The following RTN1 variants were observed in gnomAD, a reference collection of about 807,000 sequenced individuals.
RTN1 encodes reticulon-1.
RTN1 carries 25 observed loss-of-function variants against 65.5 expected under a neutral mutation model. The observed-to-expected ratio is 0.38, with a 90% CI of 0.28 to 0.53. The LOEUF is 0.53. Among genes scored for constraint, RTN1 ranks in the 20% least tolerant of loss-of-function variants. The pLI is 0.79. For missense variants in RTN1, 983 were observed against 1,025.4 expected, an observed-to-expected ratio of 0.96 and a Z score of 0.57; for synonymous variants, 471 against 447.6, an observed-to-expected ratio of 1.05 and a Z score of -0.66.
In RTN1 at chr14:59,865,744, T is replaced by G. The variant is rs557057936; in HGVS notation, c.241+4646A>C. On this transcript the variant is annotated intron_variant, in intron 1 of 8. Coordinates refer to ENST00000267484, the MANE Select transcript of RTN1 (RefSeq NM_021136.3). Reference sequence around the variant, plus strand: ...AGATACGTTTGTCTCTTGAAATGTCTTTTATTTTCACTGCCCTCTAAATTT... The same window carrying G: ...AGATACGTTTGTCTCTTGAAATGTCGTTTATTTTCACTGCCCTCTAAATTT... Among the ~76,000 whole-genome samples the G allele has an allele frequency of 1.1e-3, 160 of 152,318 alleles. 1 individual carries two copies. In the South Asian group the frequency reaches 0.019, roughly 19 times the overall value.
At chr14:59,857,084 A>G (rs1887621801) in intron 1 of RTN1, among the ~76,000 whole-genome samples, 1 of 152,160 alleles carries the variant, frequency 6.6e-6, no homozygotes, top group Non-Finnish European at 1.5e-5. Context: ...TTGTGATACT[A>G]TAATAATAGG....
In RTN1 at chr14:59,794,423, G is replaced by A. The variant is rs185593287; in HGVS notation, c.242-47942C>T. 4.7e-4 allele frequency among the ~76,000 whole-genome samples: 72 copies of A among 152,272 alleles called. No individual in the cohort carries two copies. Among genetic ancestry groups the A allele is most frequent in the Middle Eastern group, 3.4e-3 (1 of 294 alleles). ...CAAATCACCTCCAAAGCCTGTCTAC[G>A]TCTAGAATTTTCAGTTTCATCAGCC... is the stretch of plus-strand genomic sequence containing the variant. On this transcript the variant is annotated intron_variant, in intron 1 of 8. Transcript: ENST00000267484. This position sits in a 1 kb window ranked among gnomAD's most constrained non-coding sequence, Gnocchi z 5.1.
At chr14:59,609,369 GTGTTAAAGATTTGC>G (rs1232587342) in intron 3 of RTN1, among the ~76,000 whole-genome samples, 1 of 149,440 alleles carries the variant, frequency 6.7e-6, no homozygotes, top group Non-Finnish European at 1.5e-5. Flanking sequence ...ATAGAATAAT[GTGTTAAAGATTTGC>G]TTGTCCTTAA....
At chr14:59,817,510 G>A (rs995126058) in intron 1 of RTN1, among the ~76,000 whole-genome samples, 1 of 152,042 alleles carries the variant, frequency 6.6e-6, no homozygotes, top group African/African-American at 2.4e-5. Flanking sequence ...TTTCTTCTTT[G>A]TAAAGACTGT....
intron 3 of RTN1, among the ~76,000 whole-genome samples, chr14:59,609,611 G>A (rs1881882181): frequency 6.6e-6 from 1 of 152,204 alleles, no homozygotes; most frequent in South Asian, 2.1e-4. Context: ...ATGGATTGGA[G>A]ACAATAAATT....
chr14:59,718,315 T>G (rs1211862546), intron 3 of RTN1, among the ~76,000 whole-genome samples: 1 of 152,222 alleles, frequency 6.6e-6, no homozygotes, highest in Non-Finnish European at 1.5e-5. Flanking sequence ...GTGATGTGCT[T>G]GCCTCAACTT....
chr14:59,807,176 G>A (rs1274708721), intron 1 of RTN1, among the ~76,000 whole-genome samples: 1 of 152,206 alleles, frequency 6.6e-6, no homozygotes, highest in African/African-American at 2.4e-5. Context: ...TTTCTAGGAA[G>A]CATGGTGGGT....
chr14:59,734,814 C>T (rs953508891), intron 2 of RTN1, among the ~76,000 whole-genome samples: 15 of 152,158 alleles, frequency 9.9e-5, no homozygotes, highest in Non-Finnish European at 4.4e-5. Context: ...AAACATACTT[C>T]AGAATATTAC....
At chr14:59,616,728 G>A (rs1882112104) in intron 3 of RTN1, among the ~76,000 whole-genome samples, 1 of 152,118 alleles carries the variant, frequency 6.6e-6, no homozygotes, top group South Asian at 2.1e-4. Context: ...TCTTGCTTTG[G>A]TCCTTTTCAA....
chr14:59,668,771 A>C (rs1883437059), intron 3 of RTN1, among the ~76,000 whole-genome samples: 1 of 152,188 alleles, frequency 6.6e-6, no homozygotes, highest in African/African-American at 2.4e-5. Flanking sequence ...AAAACCAAAC[A>C]ATCCCATCAA....
At chr14:59,656,161 T>C (rs1193930592) in intron 3 of RTN1, among the ~76,000 whole-genome samples, 1 of 151,814 alleles carries the variant, frequency 6.6e-6, no homozygotes, top group Non-Finnish European at 1.5e-5. Flanking sequence ...TTATATGAAA[T>C]GTCAAGACAA....
At chr14:59,638,235 G>A (rs543375183) in intron 3 of RTN1, among the ~76,000 whole-genome samples, 17 of 152,262 alleles carry the variant, frequency 1.1e-4, no homozygotes, top group African/African-American at 3.4e-4. Context: ...GTGTTAGCAG[G>A]CAAGAAAACA....
intron 3 of RTN1, among the ~76,000 whole-genome samples, chr14:59,658,186 G>A (rs934543892): frequency 6.6e-6 from 1 of 152,226 alleles, no homozygotes; most frequent in African/African-American, 2.4e-5. Flanking sequence ...ACTGTAGACG[G>A]ACTGCCTCTC....
At chr14:59,707,068 G>A (rs74058925) in intron 3 of RTN1, among the ~76,000 whole-genome samples, 3,840 of 152,278 alleles carry the variant, frequency 0.025, 154 homozygotes, top group African/African-American at 0.085. Context: ...AAGAACTGCT[G>A]AATTCTGAAG....
chr14:59,864,846 C>T (rs896125865), intron 1 of RTN1, among the ~76,000 whole-genome samples: 2 of 152,000 alleles, frequency 1.3e-5, no homozygotes, highest in Admixed American at 1.3e-4. Context: ...TAAATCGGGA[C>T]AAAAATAATT....
chr14:59,778,835 C>T (rs1319985398), intron 1 of RTN1, among the ~76,000 whole-genome samples: 2 of 152,074 alleles, frequency 1.3e-5, no homozygotes, highest in Non-Finnish European at 2.9e-5. Flanking sequence ...AGCAAACAGA[C>T]TGTAGGTGCA....
intron 1 of RTN1, among the ~76,000 whole-genome samples, chr14:59,815,698 C>T (rs138621092): frequency 6.6e-6 from 1 of 152,314 alleles, no homozygotes; most frequent in East Asian, 1.9e-4. Flanking sequence ...AGTTCTCCAA[C>T]CTTTAGGCCT....
chr14:59,720,721 C>CAAA (rs3036118), intron 3 of RTN1, among the ~76,000 whole-genome samples: 2 of 133,872 alleles, frequency 1.5e-5, no homozygotes, highest in East Asian at 2.2e-4. Flanking sequence ...GACCCTATCT[C>CAAA]AAAAAAAAAA....
chr14:59,822,444 A>G (rs537140739), intron 1 of RTN1, among the ~76,000 whole-genome samples: 44 of 152,208 alleles, frequency 2.9e-4, no homozygotes, highest in Non-Finnish European at 6.2e-4. Context: ...ACCTTGTTTA[A>G]TATTTCAAAG....
Sources: allele counts gnomAD v4.1 joint callset (sites outside exome capture counted in the v4.1 genomes callset), GRCh38; gene constraint gnomAD v4.1.1; non-coding constraint Gnocchi (gnomAD v3.1); transcripts MANE v1.5; gene names NCBI Gene and HGNC (gene_info 2026-07-23, HGNC 2026-07-21).